GABRB1: variants seen among roughly 807,000 people sequenced by gnomAD.
The protein encoded by GABRB1 is gamma-aminobutyric acid receptor subunit beta-1.
A neutral mutation model predicts 51.6 loss-of-function variants in GABRB1; 17 were observed. That is an observed-to-expected ratio of 0.33 (90% CI 0.23 to 0.49). The LOEUF (loss-of-function observed/expected upper bound fraction) is 0.49. Among genes scored for constraint, GABRB1 ranks in the 20% least tolerant of loss-of-function variants. The pLI, the probability that GABRB1 is intolerant of heterozygous loss-of-function variation, is 0.99. For synonymous variants in GABRB1, 247 were observed against 218.9 expected (o/e 1.13, Z -1.14); for missense variants, 410 against 600.6 (o/e 0.68, Z 3.32).
At chr4:47,186,034 C>T (rs1719164445) in intron 4 of GABRB1, among the ~76,000 whole-genome samples, 1 of 151,724 alleles carries the variant, frequency 6.6e-6, no homozygotes, top group Admixed American at 6.6e-5. Flanking sequence ...CATAACTGGC[C>T]TATATATAGC....
intron 5 of GABRB1, among the ~76,000 whole-genome samples, chr4:47,350,225 A>C (rs972046862): frequency 2.8e-5 from 4 of 140,700 alleles, no homozygotes; most frequent in African/African-American, 1.1e-4. Context: ...ATATAGAGAG[A>C]GAGAGAGAGA....
At chr4:47,261,802 C>G (rs371293163) in intron 4 of GABRB1, among the ~76,000 whole-genome samples, 105 of 152,126 alleles carry the variant, frequency 6.9e-4, no homozygotes, top group African/African-American at 2.1e-3. Context: ...ATACTACAAG[C>G]CTACAGTAAC....
chr4:47,295,873 C>A (rs950821477), intron 4 of GABRB1, among the ~76,000 whole-genome samples: 3 of 152,158 alleles, frequency 2.0e-5, no homozygotes, highest in African/African-American at 7.2e-5. Context: ...GTCGGGTTAA[C>A]CACAATGGGA....
chr4:47,311,489 T>C (rs1724681458), intron 4 of GABRB1, among the ~76,000 whole-genome samples: 2 of 80,092 alleles, frequency 2.5e-5, no homozygotes, highest in Non-Finnish European at 4.7e-5. Flanking sequence ...CAAGGGTTCT[T>C]ATGAAAGGAA....
intron 4 of GABRB1, among the ~76,000 whole-genome samples, chr4:47,199,739 G>A (rs1037486181): frequency 1.3e-5 from 2 of 152,086 alleles, no homozygotes; most frequent in African/African-American, 2.4e-5. Flanking sequence ...TATTTCCTAG[G>A]TGAACAGTTT....
chr4:47,114,943 T>C (rs945690954), intron 3 of GABRB1, among the ~76,000 whole-genome samples: 2 of 152,108 alleles, frequency 1.3e-5, no homozygotes, highest in Admixed American at 6.6e-5. Flanking sequence ...ATCTCAATGT[T>C]CCTTCTTTCC....
intron 5 of GABRB1, among the ~76,000 whole-genome samples, chr4:47,371,090 C>CCG (rs1553879511): frequency 2.2e-5 from 3 of 136,348 alleles, no homozygotes; most frequent in African/African-American, 8.2e-5. Flanking sequence ...CTCCCTCCCC[C>CCG]ACCCCCACCC....
chr4:47,209,836 T>G (rs146033039), intron 4 of GABRB1, among the ~76,000 whole-genome samples: 1 of 152,102 alleles, frequency 6.6e-6, no homozygotes, highest in Non-Finnish European at 1.5e-5. Context: ...ACTAGTAAGA[T>G]ATTCAGTGGG....
At chr4:47,283,216 G>A (rs1455689783) in intron 4 of GABRB1, among the ~76,000 whole-genome samples, 1 of 151,928 alleles carries the variant, frequency 6.6e-6, no homozygotes, top group Non-Finnish European at 1.5e-5. Context: ...TTGGTGAGCT[G>A]GATAGGATTA....
rs561527257 is a variant in GABRB1, at chr4:47,283,148, G to A, written c.462-36979G>A. 3.9e-5 allele frequency among the ~76,000 whole-genome samples: 6 copies of A among 152,226 alleles called. No homozygotes were observed. In the East Asian group the frequency reaches 9.6e-4, roughly 24 times the overall value. On this transcript the variant is annotated intron_variant, in intron 4 of 8. Coordinates refer to ENST00000295454, the MANE Select transcript of GABRB1 (RefSeq NM_000812.4). ...AGAGGCAAAAGTGGAGAAACTATGA[G>A]AAAAGGACAGGTAGATGTGAGAGAT...
At chr4:47,149,954 T>G (rs140388087) in intron 3 of GABRB1, among the ~76,000 whole-genome samples, 221 of 152,046 alleles carry the variant, frequency 1.5e-3, no homozygotes, top group African/African-American at 5.0e-3. Context: ...AGATGGTCAA[T>G]ATGGATATTA....
chr4:47,112,546 C>G (rs573480169), intron 3 of GABRB1, among the ~76,000 whole-genome samples: 2 of 152,254 alleles, frequency 1.3e-5, no homozygotes, highest in Admixed American at 6.5e-5. Context: ...AAATTTGAAG[C>G]CTCAGTTTCT....
intron 5 of GABRB1, among the ~76,000 whole-genome samples, chr4:47,379,491 G>T (rs1445090866): frequency 6.6e-6 from 1 of 152,126 alleles, no homozygotes; most frequent in African/African-American, 2.4e-5. Flanking sequence ...ATTTAAAGTA[G>T]GCTAAACTAA....
intron 4 of GABRB1, among the ~76,000 whole-genome samples, chr4:47,230,699 A>G (rs1721110976): frequency 6.6e-6 from 1 of 152,190 alleles, no homozygotes; most frequent in Non-Finnish European, 1.5e-5. Flanking sequence ...GTTCTGTTCA[A>G]CTGATTGGGA....
At chr4:47,302,480 A>C (rs897431429) in intron 4 of GABRB1, among the ~76,000 whole-genome samples, 5 of 152,042 alleles carry the variant, frequency 3.3e-5, no homozygotes, top group African/African-American at 1.2e-4. Context: ...CACAAATATT[A>C]ACTTAATAAA....
chr4:47,047,582 C>T (rs1010788149), intron 3 of GABRB1, among the ~76,000 whole-genome samples: 4 of 152,008 alleles, frequency 2.6e-5, no homozygotes, highest in Non-Finnish European at 5.9e-5. Context: ...TTTCTAGTAA[C>T]ATTTAAACAT....
At chr4:47,045,692 G>A (rs150442181) in intron 3 of GABRB1, among the ~76,000 whole-genome samples, 133 of 152,068 alleles carry the variant, frequency 8.7e-4, no homozygotes, top group African/African-American at 3.0e-3. Flanking sequence ...GTTTACTGGA[G>A]CCTCTTTCCT....
In GABRB1 at chr4:47,288,070, G is replaced by A. The variant is rs556692986; in HGVS notation, c.462-32057G>A. ...TGGCTCGCAAAATCTGTGAAATAAC[G>A]CATTTGTTGTTTTAAGCACTAATTT... is the stretch of plus-strand genomic sequence containing the variant. On this transcript the variant is annotated intron_variant, in intron 4 of 8. Transcript: ENST00000295454. 3.9e-5 allele frequency among the ~76,000 whole-genome samples: 6 copies of A among 152,122 alleles called. No individual in the cohort carries two copies. The South Asian group carries it at 6.2e-4, about 16-fold the overall frequency.
intron 3 of GABRB1, among the ~76,000 whole-genome samples, chr4:47,038,786 G>T (rs1725705244): frequency 6.6e-6 from 1 of 152,168 alleles, no homozygotes; most frequent in African/African-American, 2.4e-5. Context: ...TTTCAAAAGA[G>T]AAATGAATGG....
Sources: allele counts gnomAD v4.1 joint callset (sites outside exome capture counted in the v4.1 genomes callset), GRCh38; gene constraint gnomAD v4.1.1; transcripts MANE v1.5; gene names NCBI Gene and HGNC (gene_info 2026-07-23, HGNC 2026-07-21).